The following CHD7 variants were observed in gnomAD, a reference collection of about 807,000 sequenced individuals.
CHD7 encodes the protein ATP-dependent chromatin remodeler CHD7.
CHD7 carries 24 observed loss-of-function variants against 307.3 expected under a neutral mutation model. That is an observed-to-expected ratio of 0.08 (90% CI 0.06 to 0.11). The LOEUF (loss-of-function observed/expected upper bound fraction) is 0.11. Ranked by LOEUF, CHD7 falls within the 10% of genes least tolerant of loss-of-function variation. The probability of loss-of-function intolerance (pLI) is 1.00; values close to 1 mark genes in which losing one functional copy is unlikely to be tolerated. For synonymous variants in CHD7, 1,363 were observed against 1,349.9 expected, an observed-to-expected ratio of 1.01 and a Z score of -0.21; for missense variants, 3,106 against 3,727.1, an observed-to-expected ratio of 0.83 and a Z score of 4.34.
At chr8:60,825,230 C>T (rs1408610395) in intron 13 of CHD7, 1 of 152,176 alleles carries the variant, frequency 6.6e-6, no homozygotes, top group East Asian at 1.9e-4. Flanking sequence ...AGCTGATTCT[C>T]TGAAAGAGCA....
In CHD7 at chr8:60,742,298, C is replaced by G. The variant is rs1809078755; in HGVS notation, c.866C>G (p.Thr289Ser). The change falls in exon 2 of 38, where the codon ACC (threonine) becomes AGC (serine). Residue 289 changes from threonine (T) to serine (S), a missense_variant. Physicochemically the swap from Thr to Ser is moderately conservative, Grantham distance 58. Around this residue, in one of 10 missense-constraint regions of CHD7, gnomAD observed 998 missense variants for 1,004.5 expected, o/e 0.99. Transcript: ENST00000423902. The part of the protein sequence containing the change: ...PPQQGAVRPQ[T>S]LNFSSRSQTV... ...CAACAAGGGGCTGTTAGGCCGCAAA[C>G]CCTTAACTTTAGTTCTCGGAGCCAG... 3 of 1,613,958 alleles carry G rather than the reference C, an allele frequency of 1.9e-6. No homozygotes were observed. The highest frequency in any genetic ancestry group is 2.5e-6 in the Non-Finnish European group (3 of 1,179,902).
In CHD7 at chr8:60,850,485, C is replaced by T. The variant is rs755505152; in HGVS notation, c.5405-8C>T. On this transcript the variant is annotated splice_polypyrimidine_tract_variant and splice_region_variant and intron_variant, in intron 25 of 37. Coordinates refer to ENST00000423902, the MANE Select transcript of CHD7 (RefSeq NM_017780.4). ...TGTGTTTTCTGTGCACGGATGGGCA[C>T]GGCACAGGCTATGAGAAGTACAACT... The T allele has an allele frequency of 3.2e-5, 51 of 1,601,710 alleles. No homozygotes were observed. Among genetic ancestry groups the T allele is most frequent in the East Asian group, 3.1e-4 (14 of 44,508 alleles).
chr8:60,808,333 AT>A (rs530966773), intron 7 of CHD7, 61 bp downstream of exon 7: 778 of 978,454 alleles, frequency 8.0e-4, no homozygotes, highest in Admixed American at 9.5e-4. Context: ...GTAAACGACC[AT>A]TTTTTTTTAA....
intron 2 of CHD7, among the ~76,000 whole-genome samples, chr8:60,750,709 G>A (rs1809601950): frequency 6.6e-6 from 1 of 152,196 alleles, no homozygotes; most frequent in South Asian, 2.1e-4. Context: ...CAGATTGCGT[G>A]AGCTGCATCT....
chr8:60,702,234 A>G (rs1806801463), intron 1 of CHD7, among the ~76,000 whole-genome samples: 1 of 152,204 alleles, frequency 6.6e-6, no homozygotes. Context: ...TGCTCTTTCC[A>G]CAGGGAGCAC....
At chr8:60,817,304 C>T (rs1563626031) in intron 8 of CHD7, among the ~76,000 whole-genome samples, 2 of 152,266 alleles carry the variant, frequency 1.3e-5, no homozygotes, top group South Asian at 4.1e-4. Flanking sequence ...GTAAAAGAAG[C>T]GTACAATTTG....
Position 60,864,705 on chromosome 8 carries a change from T to C in CHD7, c.8077-311T>C, listed in dbSNP as rs1806162033. 1.2e-5 allele frequency: 4 copies of C among 321,890 alleles called. No homozygotes were observed. The Admixed American group carries it at 1.8e-4, about 15-fold the overall frequency. 19.9% of individuals were successfully genotyped at this position (321,890 alleles called of 1,614,324 possible). A position where few individuals can be genotyped will look rare whatever the true frequency, so the allele number is the denominator to read the frequency against. ...ATCAAAAACTAGATCTTACTCATCC[T>C]GTCTAACTCTATTTTTGTACCCCAT... is the stretch of plus-strand genomic sequence containing the variant. On this transcript the variant is annotated intron_variant, in intron 37 of 37. Coordinates refer to ENST00000423902, the MANE Select transcript of CHD7 (RefSeq NM_017780.4).
chr8:60,857,408 T>TG (rs1805765400), intron 34 of CHD7, among the ~76,000 whole-genome samples: 1 of 152,214 alleles, frequency 6.6e-6, no homozygotes, highest in South Asian at 2.1e-4. Context: ...GACTTTTCCT[T>TG]TCTCAGTTCA....
chr8:60,727,362 A>C (rs1219457017), intron 1 of CHD7, among the ~76,000 whole-genome samples: 3 of 152,110 alleles, frequency 2.0e-5, no homozygotes, highest in Non-Finnish European at 4.4e-5. Context: ...TCCTGATCTC[A>C]AGTGATCCCC....
In CHD7 at chr8:60,835,985, G is replaced by C. The variant is rs531062291; in HGVS notation, c.3779-88G>C. On this transcript the variant is annotated intron_variant, in intron 15 of 37. Coordinates refer to ENST00000423902, the MANE Select transcript of CHD7 (RefSeq NM_017780.4). Reference sequence around the variant, plus strand: ...GGAGTTTGGTGTTCTGGTTCCTACAGTTTGCAATGGGTTTTGAAAGCAAGT... The same window carrying C: ...GGAGTTTGGTGTTCTGGTTCCTACACTTTGCAATGGGTTTTGAAAGCAAGT... 10 of 938,310 alleles carry C rather than the reference G, an allele frequency of 1.1e-5. No homozygotes were observed. In the South Asian group the frequency reaches 1.5e-4, roughly 14 times the overall value. 58.1% of individuals were successfully genotyped at this position (938,310 alleles called of 1,614,324 possible). A position where few individuals can be genotyped will look rare whatever the true frequency, so the allele number is the denominator to read the frequency against.
intron 21 of CHD7, among the ~76,000 whole-genome samples, chr8:60,844,025 G>A (rs928689292): frequency 2.0e-5 from 3 of 152,260 alleles, no homozygotes; most frequent in African/African-American, 7.2e-5. Flanking sequence ...CAGAGGGGCT[G>A]TTCATACCAT....
intron 2 of CHD7, among the ~76,000 whole-genome samples, chr8:60,763,165 A>T (rs1810303795): frequency 6.6e-6 from 1 of 152,218 alleles, no homozygotes; most frequent in Non-Finnish European, 1.5e-5. Flanking sequence ...AAGCAAAATT[A>T]ACTGTGATAT....
intron 4 of CHD7, among the ~76,000 whole-genome samples, chr8:60,796,609 G>C (rs1246757042): frequency 1.1e-5 from 1 of 90,350 alleles, no homozygotes; most frequent in Non-Finnish European, 2.2e-5. Context: ...TGAAATACTA[G>C]CTTTAGGGTT....
intron 14 of CHD7, among the ~76,000 whole-genome samples, chr8:60,829,419 GA>G (rs1193442839): frequency 6.6e-6 from 1 of 152,160 alleles, no homozygotes; most frequent in Non-Finnish European, 1.5e-5. Context: ...CCAATATGGT[GA>G]AAACCCATCT....
chr8:60,862,220 T>C lies in CHD7; in HGVS notation c.7855T>C (p.Ser2619Pro), dbSNP rs375826047. 5.6e-6 allele frequency: 9 copies of C among 1,610,914 alleles called. No homozygotes were observed. Among genetic ancestry groups the C allele is most frequent in the Non-Finnish European group, 5.9e-6 (7 of 1,178,392 alleles). The change falls in exon 36 of 38, where the codon TCA (serine) becomes CCA (proline). Residue 2619 changes from serine to proline, a missense_variant. By Grantham distance (74) the Ser-to-Pro change is moderately conservative (BLOSUM62 -1). This residue lies in a region of CHD7 where 1,030 missense variants were observed against 1,165.4 expected (regional missense o/e 0.88). Coordinates refer to ENST00000423902, the MANE Select transcript of CHD7 (RefSeq NM_017780.4). Reference sequence around the variant, plus strand: ...GAAGAATGCAGATGTGCTGTTTTCCTCATTTCAGAAACCGAAACAGAAACG... The same window carrying C: ...GAAGAATGCAGATGTGCTGTTTTCCCCATTTCAGAAACCGAAACAGAAACG... ...VPKNADVLFS[S>P]FQKPKQKRHR...
intron 21 of CHD7, 148 bp from the exon 22 acceptor site, chr8:60,844,716 C>G (rs1476544163): frequency 4.3e-5 from 27 of 624,830 alleles, no homozygotes; most frequent in East Asian, 8.4e-5. Flanking sequence ...GTGTTTTTAA[C>G]TCTTGCACCC....
intron 1 of CHD7, among the ~76,000 whole-genome samples, chr8:60,689,617 C>T (rs1806095769): frequency 6.6e-6 from 1 of 152,220 alleles, no homozygotes; most frequent in Non-Finnish European, 1.5e-5. Context: ...GAACAACAAA[C>T]ATCATGATCT....
At chr8:60,738,402 A>C (rs776286743) in intron 1 of CHD7, among the ~76,000 whole-genome samples, 3 of 152,236 alleles carry the variant, frequency 2.0e-5, no homozygotes, top group Non-Finnish European at 2.9e-5. Flanking sequence ...TAAAAATTAC[A>C]TGTAATAGCT....
At chr8:60,720,753 C>G (rs1807858803) in intron 1 of CHD7, among the ~76,000 whole-genome samples, 1 of 152,198 alleles carries the variant, frequency 6.6e-6, no homozygotes, top group African/African-American at 2.4e-5. Context: ...GGCTACTTAA[C>G]CTTTGAGCCT....
Sources: gnomAD v4.1 joint callset for allele counts (sites outside exome capture counted in the v4.1 genomes callset) on GRCh38, gnomAD v4.1.1 for gene constraint, gnomAD v4.1.1 regional missense constraint, MANE v1.5 for transcripts, NCBI Gene and HGNC (gene_info 2026-07-23, HGNC 2026-07-21) for gene names.